Variants in PTPRD observed in about 807,000 individuals in gnomAD.
The protein encoded by PTPRD is protein tyrosine phosphatase receptor type D.
Under a neutral mutation model 214.5 loss-of-function variants are expected in PTPRD, and 34 were observed. That is an observed-to-expected ratio of 0.16 (90% CI 0.12 to 0.21). PTPRD has a LOEUF of 0.21. Ranked by LOEUF, PTPRD falls within the 10% of genes least tolerant of loss-of-function variation. PTPRD has a pLI of 1.00. For missense variants in PTPRD, 2,545 were observed against 2,398.7 expected, an observed-to-expected ratio of 1.06 and a Z score of -1.27; for synonymous variants, 1,128 against 845.7, an observed-to-expected ratio of 1.33 and a Z score of -5.79.
intron 5 of PTPRD, among the ~76,000 whole-genome samples, chr9:9,833,918 C>G (rs934657033): frequency 2.6e-5 from 4 of 152,004 alleles, no homozygotes; most frequent in African/African-American, 9.7e-5. Context: ...ATTGCTCAAA[C>G]ACACATGCTG....
At chr9:9,520,480 C>T (rs1188810545) in intron 8 of PTPRD, among the ~76,000 whole-genome samples, 1 of 151,976 alleles carries the variant, frequency 6.6e-6, no homozygotes, top group African/African-American at 2.4e-5. Context: ...TTAATTTACA[C>T]ATTCCCATGC....
intron 8 of PTPRD, among the ~76,000 whole-genome samples, chr9:9,423,622 T>A (rs1464127057): frequency 3.3e-5 from 5 of 152,134 alleles, no homozygotes; most frequent in Non-Finnish European, 7.3e-5. Flanking sequence ...GCACTGAAAG[T>A]AAATGTGTTA....
chr9:8,961,838 C>T (rs1272295152), intron 11 of PTPRD, among the ~76,000 whole-genome samples: 2 of 151,992 alleles, frequency 1.3e-5, no homozygotes, highest in Non-Finnish European at 2.9e-5. Context: ...CTCTAAGTAC[C>T]CCATGTGACA....
intron 7 of PTPRD, among the ~76,000 whole-genome samples, chr9:9,581,455 T>C (rs1724067519): frequency 6.6e-6 from 1 of 152,128 alleles, no homozygotes; most frequent in Admixed American, 6.6e-5. Flanking sequence ...TGAACTCTTA[T>C]CTTTCAAGAC....
Position 8,437,346 on chromosome 9 carries a change from G to A in PTPRD, c.3989-657C>T, listed in dbSNP as rs544208223. The A allele has an allele frequency of 1.5e-3, 1,313 of 889,562 alleles. 4 individuals are homozygous for A. The highest frequency in any genetic ancestry group is 1.9e-3 in the Non-Finnish European group (1,134 of 599,148). The allele number at this position is 889,562 out of a possible 1,614,324, so 55.1% of individuals were successfully genotyped here. On this transcript the variant is annotated intron_variant, in intron 34 of 45. Coordinates refer to ENST00000381196, the MANE Select transcript of PTPRD (RefSeq NM_002839.4). Reference sequence around the variant, plus strand: ...TTTTAAAAGGACTAATTAAAATGCTGCAAGTTTTTACAGAATTCACTATAC... The same window carrying A: ...TTTTAAAAGGACTAATTAAAATGCTACAAGTTTTTACAGAATTCACTATAC...
intron 11 of PTPRD, among the ~76,000 whole-genome samples, chr9:8,752,686 G>A (rs1342977615): frequency 6.6e-6 from 1 of 152,066 alleles, no homozygotes; most frequent in Admixed American, 6.6e-5. Context: ...GAAAGACCAT[G>A]GGGAGCAGAG....
At chr9:9,838,798 T>C (rs1293590352) in intron 5 of PTPRD, among the ~76,000 whole-genome samples, 5 of 152,320 alleles carry the variant, frequency 3.3e-5, no homozygotes, top group African/African-American at 1.2e-4. Context: ...ATTTTGGCTT[T>C]TGTTGCCATT....
intron 2 of PTPRD, among the ~76,000 whole-genome samples, chr9:10,474,508 C>G (rs997770675): frequency 2.6e-5 from 4 of 152,112 alleles, no homozygotes; most frequent in Admixed American, 6.6e-5. Context: ...TAGAGACCTA[C>G]AAAGAGACTT....
chr9:10,268,894 C>G (rs1410904160), intron 3 of PTPRD, among the ~76,000 whole-genome samples: 1 of 152,184 alleles, frequency 6.6e-6, no homozygotes, highest in South Asian at 2.1e-4. Flanking sequence ...TCAGTCTCAG[C>G]AACATTGGCA....
At chr9:9,094,371 A>G (rs973113189) in intron 10 of PTPRD, among the ~76,000 whole-genome samples, 3 of 152,210 alleles carry the variant, frequency 2.0e-5, no homozygotes, top group Non-Finnish European at 2.9e-5. Context: ...ATTTTGCAGC[A>G]GCTTGGATGG....
At chr9:9,750,944 T>A (rs1045901169) in intron 6 of PTPRD, among the ~76,000 whole-genome samples, 20 of 152,104 alleles carry the variant, frequency 1.3e-4, no homozygotes, top group African/African-American at 4.1e-4. Flanking sequence ...GCTTCACATG[T>A]CGCAATCATT....
At chr9:9,125,201 G>T (rs923963984) in intron 10 of PTPRD, among the ~76,000 whole-genome samples, 5 of 152,134 alleles carry the variant, frequency 3.3e-5, no homozygotes, top group Non-Finnish European at 7.4e-5. Flanking sequence ...TTAGCAGAGT[G>T]GGCCACTCCT....
chr9:8,457,620 C>G (rs2096253910), intron 33 of PTPRD, among the ~76,000 whole-genome samples: 1 of 152,028 alleles, frequency 6.6e-6, no homozygotes, highest in South Asian at 2.1e-4. Context: ...GTAAAATATA[C>G]TTCTTTATAT....
intron 3 of PTPRD, among the ~76,000 whole-genome samples, chr9:10,190,404 AAAAAAAAAAAAAAAAAC>A (rs2099358054): frequency 8.8e-5 from 12 of 136,204 alleles, no homozygotes; most frequent in Admixed American, 6.6e-4. Flanking sequence ...AAAAAAAAAA[AAAAAAAAAAAAAAAAAC>A]AAAAAGTCAA....
chr9:10,143,736 A>C (rs1472411970), intron 3 of PTPRD, among the ~76,000 whole-genome samples: 1 of 152,116 alleles, frequency 6.6e-6, no homozygotes, highest in Non-Finnish European at 1.5e-5. Context: ...TAAAAAAATG[A>C]AATTATGTCC....
intron 3 of PTPRD, among the ~76,000 whole-genome samples, chr9:10,071,758 T>C (rs2098022622): frequency 6.6e-6 from 1 of 151,994 alleles, no homozygotes; most frequent in African/African-American, 2.4e-5. Context: ...GAATGGTGCA[T>C]ATGAGTAATG....
chr9:8,518,143 T>C lies in PTPRD; in HGVS notation c.1248A>G (p.Ala416=), dbSNP rs7026388. 0.18 allele frequency: 290,461 copies of C among 1,613,876 alleles called. 29,987 individuals carry two copies. Among genetic ancestry groups the C allele is most frequent in the African/African-American group, 0.4 (29,875 of 74,912 alleles). ...EPVLTQTSEQ[A]PSSAPRDVQA... is the part of the protein sequence containing the mutation. ...GGACATCCCTCGGGGCACTGGATGG[T>C]GCTTGCTCTGAGGTTTGTGTTAGCA... Residue 416 remains alanine (A), a synonymous_variant, in exon 21 of 46, where the codon GCA becomes GCG. Coordinates refer to ENST00000381196, the MANE Select transcript of PTPRD (RefSeq NM_002839.4).
At chr9:9,520,403 T>A (rs1022458344) in intron 8 of PTPRD, among the ~76,000 whole-genome samples, 1 of 151,584 alleles carries the variant, frequency 6.6e-6, no homozygotes, top group Non-Finnish European at 1.5e-5. Flanking sequence ...CCTGCTCAAG[T>A]ATAGTACATG....
intron 11 of PTPRD, among the ~76,000 whole-genome samples, chr9:8,909,514 T>C (rs1166316059): frequency 6.6e-6 from 1 of 152,118 alleles, no homozygotes; most frequent in East Asian, 1.9e-4. Flanking sequence ...ATCATTTCAA[T>C]AAGTATGAAA....
Sources: gnomAD v4.1 joint callset for allele counts (sites outside exome capture counted in the v4.1 genomes callset) on GRCh38, gnomAD v4.1.1 for gene constraint, MANE v1.5 for transcripts, NCBI Gene and HGNC (gene_info 2026-07-23, HGNC 2026-07-21) for gene names.